Variants in CNTNAP5 observed in about 807,000 individuals in gnomAD.
The protein encoded by CNTNAP5 is contactin-associated protein-like 5.
Under a neutral mutation model 150.2 loss-of-function variants are expected in CNTNAP5, and 72 were observed. That is an observed-to-expected ratio of 0.48 (90% CI 0.40 to 0.58). The LOEUF is 0.58. Among genes scored for constraint, CNTNAP5 ranks in the 20% least tolerant of loss-of-function variants. The pLI is 0.00. For synonymous variants in CNTNAP5, 672 were observed against 619.8 expected (o/e 1.08, Z -1.25); for missense variants, 1,636 against 1,626.2 (o/e 1.01, Z -0.10).
intron 2 of CNTNAP5, among the ~76,000 whole-genome samples, chr2:124,230,462 C>T (rs1250437717): frequency 1.3e-5 from 2 of 151,422 alleles, no homozygotes; most frequent in Non-Finnish European, 2.9e-5. Flanking sequence ...TATATCTAAT[C>T]TACTCTGTTT....
chr2:124,221,871 A>G, intron 2 of CNTNAP5, 62 bp downstream of exon 2: 1 of 1,053,804 alleles, frequency 9.5e-7, no homozygotes, highest in Non-Finnish European at 1.4e-6. Flanking sequence ...GGGTAGGTGA[A>G]GGAGAGTGAG....
intron 2 of CNTNAP5, among the ~76,000 whole-genome samples, chr2:124,231,741 T>TATAG (rs1161351414): frequency 6.6e-6 from 1 of 152,252 alleles, no homozygotes; most frequent in Non-Finnish European, 1.5e-5. Flanking sequence ...CTAGGACAGC[T>TATAG]ATAGATCATT....
intron 8 of CNTNAP5, among the ~76,000 whole-genome samples, chr2:124,506,880 T>A (rs1573421115): frequency 6.6e-6 from 1 of 152,282 alleles, no homozygotes; most frequent in African/African-American, 2.4e-5. Context: ...TGGAGGAAGA[T>A]CTGCTTCCGC....
intron 3 of CNTNAP5, among the ~76,000 whole-genome samples, chr2:124,384,297 A>G (rs71428145): frequency 0.025 from 3,793 of 152,232 alleles, 70 homozygotes; most frequent in South Asian, 0.05. Context: ...CATTTTTCCT[A>G]TGCATAAAAT....
intron 2 of CNTNAP5, among the ~76,000 whole-genome samples, chr2:124,240,816 A>G (rs1686867189): frequency 6.6e-6 from 1 of 152,138 alleles, no homozygotes; most frequent in Non-Finnish European, 1.5e-5. Context: ...TATGCCCTCT[A>G]TCACTCTGTC....
At chr2:124,695,624 T>A (rs1679389548) in intron 13 of CNTNAP5, among the ~76,000 whole-genome samples, 1 of 152,106 alleles carries the variant, frequency 6.6e-6, no homozygotes, top group African/African-American at 2.4e-5. Context: ...CAAACTTAAG[T>A]GGGATGCAAA....
intron 7 of CNTNAP5, among the ~76,000 whole-genome samples, chr2:124,499,992 TAA>T (rs1163178113): frequency 3.9e-5 from 6 of 151,934 alleles, no homozygotes; most frequent in Non-Finnish European, 1.5e-5. Context: ...CCAGAAGTTG[TAA>T]ATCCCAGCCT....
intron 1 of CNTNAP5, among the ~76,000 whole-genome samples, chr2:124,030,487 T>A (rs1681014449): frequency 6.6e-6 from 1 of 152,100 alleles, no homozygotes; most frequent in Non-Finnish European, 1.5e-5. Flanking sequence ...CACCAAACTC[T>A]TTGCAAGATA....
At chr2:124,676,701 G>A (rs922191835) in intron 13 of CNTNAP5, among the ~76,000 whole-genome samples, 1 of 152,144 alleles carries the variant, frequency 6.6e-6, no homozygotes, top group African/African-American at 2.4e-5. Context: ...TGAGGGTGTT[G>A]GTTTTCGAGG....
intron 3 of CNTNAP5, among the ~76,000 whole-genome samples, chr2:124,398,480 C>CTTTATTTATTATTTATTTA (rs1691316610): frequency 6.8e-6 from 1 of 147,888 alleles, no homozygotes; most frequent in Admixed American, 6.8e-5. Flanking sequence ...GAAATTTTTA[C>CTTTATTTATTATTTATTTA]TTTATTTATT....
chr2:124,582,471 C>A (rs1330442851), intron 11 of CNTNAP5, among the ~76,000 whole-genome samples: 1 of 152,156 alleles, frequency 6.6e-6, no homozygotes, highest in Non-Finnish European at 1.5e-5. Context: ...AGTCAAAAGG[C>A]AGGATAAAGA....
intron 3 of CNTNAP5, among the ~76,000 whole-genome samples, chr2:124,260,800 A>G (rs1485128891): frequency 6.6e-6 from 1 of 152,218 alleles, no homozygotes; most frequent in Non-Finnish European, 1.5e-5. Context: ...AAATGAAAAT[A>G]CCATCCAATG....
At chr2:124,655,621 G>A (rs1363775693) in intron 13 of CNTNAP5, among the ~76,000 whole-genome samples, 1 of 151,590 alleles carries the variant, frequency 6.6e-6, no homozygotes, top group Non-Finnish European at 1.5e-5. Context: ...AGGTGGACTG[G>A]GTGCCATGGC....
At position 124,342,628 on chromosome 2, in the gene CNTNAP5, C is replaced by T. The variant is rs1689645613; in HGVS notation, c.382-74815C>T. ...AATTCGTATTGAACTTAGGTAACTACATTGCCATAAAATGAGAATACTCAG... is the reference window on the plus strand; with the variant it reads ...AATTCGTATTGAACTTAGGTAACTATATTGCCATAAAATGAGAATACTCAG... On this transcript the variant is annotated intron_variant, in intron 3 of 23. Coordinates refer to ENST00000682447, the MANE Select transcript of CNTNAP5 (RefSeq NM_001367498.1). Among the ~76,000 whole-genome samples, 3 of 152,126 alleles carry T rather than the reference C, an allele frequency of 2.0e-5. No individual in the cohort carries two copies. In the South Asian group the frequency reaches 6.2e-4, roughly 32 times the overall value.
At chr2:124,092,871 G>A (rs1470131094) in intron 1 of CNTNAP5, among the ~76,000 whole-genome samples, 1 of 152,126 alleles carries the variant, frequency 6.6e-6, no homozygotes, top group African/African-American at 2.4e-5. Flanking sequence ...TAAAAATCAC[G>A]TGATACAAAC....
At chr2:124,598,457 G>A (rs1236076924) in intron 11 of CNTNAP5, among the ~76,000 whole-genome samples, 1 of 144,270 alleles carries the variant, frequency 6.9e-6, no homozygotes. Context: ...AGGCTGCTCG[G>A]GGGTCAGGGG....
intron 12 of CNTNAP5, among the ~76,000 whole-genome samples, chr2:124,610,948 C>A (rs1018962501): frequency 9.5e-5 from 6 of 63,040 alleles, no homozygotes; most frequent in Non-Finnish European, 2.3e-4. Context: ...GGGCGAGACA[C>A]CGTCTCAAAA....
chr2:124,904,651 G>T (rs1408262672), intron 22 of CNTNAP5, among the ~76,000 whole-genome samples: 11 of 152,118 alleles, frequency 7.2e-5, no homozygotes, highest in Non-Finnish European at 2.9e-5. Flanking sequence ...TCAATAAATT[G>T]TGATGGGGAA....
chr2:124,256,987 G>A (rs895680368), intron 3 of CNTNAP5, among the ~76,000 whole-genome samples: 4 of 152,098 alleles, frequency 2.6e-5, no homozygotes, highest in Non-Finnish European at 5.9e-5. Context: ...GAAAAACAGA[G>A]GGGACACCTA....
Sources: allele counts gnomAD v4.1 joint callset (sites outside exome capture counted in the v4.1 genomes callset), GRCh38; gene constraint gnomAD v4.1.1; transcripts MANE v1.5; gene names NCBI Gene and HGNC (gene_info 2026-07-23, HGNC 2026-07-21).